DPP10: variants seen among roughly 807,000 people sequenced by gnomAD.
DPP10 encodes dipeptidyl peptidase like 10, also known as inactive dipeptidyl peptidase 10.
DPP10 carries 33 observed loss-of-function variants against 120.9 expected under a neutral mutation model. The ratio of observed to expected loss-of-function variants is 0.27; its 90% CI spans 0.21 to 0.37. The LOEUF (loss-of-function observed/expected upper bound fraction) is 0.37. Ranked by LOEUF, DPP10 falls within the 10% of genes least tolerant of loss-of-function variation. The probability of loss-of-function intolerance (pLI) is 1.00; values close to 1 mark genes in which losing one functional copy is unlikely to be tolerated. For missense variants in DPP10, 816 were observed against 942.8 expected, an observed-to-expected ratio of 0.87 and a Z score of 1.76; for synonymous variants, 337 against 326.1, an observed-to-expected ratio of 1.03 and a Z score of -0.36.
intron 5 of DPP10, among the ~76,000 whole-genome samples, chr2:115,619,349 A>G (rs148125594): frequency 2.6e-5 from 4 of 152,016 alleles, no homozygotes; most frequent in Non-Finnish European, 4.4e-5. Context: ...TGCTGGGATT[A>G]CAGACGTGAG....
chr2:115,543,409 G>T (rs1000923500), intron 5 of DPP10, among the ~76,000 whole-genome samples: 4 of 152,038 alleles, frequency 2.6e-5, no homozygotes, highest in Non-Finnish European at 5.9e-5. Flanking sequence ...AATTGAACTG[G>T]TGCTTGGGGG....
At chr2:115,805,962 A>C (rs1031422045) in intron 19 of DPP10, among the ~76,000 whole-genome samples, 1 of 152,160 alleles carries the variant, frequency 6.6e-6, no homozygotes, top group African/African-American at 2.4e-5. Flanking sequence ...TGCAGGTGAG[A>C]ACCCTTGAGG....
At chr2:115,223,270 T>A (rs1264122549) in intron 1 of DPP10, among the ~76,000 whole-genome samples, 1 of 152,150 alleles carries the variant, frequency 6.6e-6, no homozygotes, top group Non-Finnish European at 1.5e-5. Context: ...ATTTTGTTTT[T>A]GAGGCCACTG....
chr2:114,896,024 G>T (rs1692937664), intron 1 of DPP10, among the ~76,000 whole-genome samples: 1 of 152,148 alleles, frequency 6.6e-6, no homozygotes, highest in South Asian at 2.1e-4. Flanking sequence ...TCTCAGGTTT[G>T]TCAAAGATCA....
chr2:115,566,817 T>C (rs1244069442), intron 5 of DPP10, among the ~76,000 whole-genome samples: 2 of 152,212 alleles, frequency 1.3e-5, no homozygotes, highest in Non-Finnish European at 2.9e-5. Context: ...CCAGTATCTG[T>C]CTCTAGCTCT....
intron 3 of DPP10, among the ~76,000 whole-genome samples, chr2:115,428,559 G>A (rs1465276282): frequency 3.3e-5 from 5 of 152,064 alleles, no homozygotes; most frequent in Admixed American, 3.3e-4. Context: ...AAGAGAGGTA[G>A]GGGAGGTGCC....
Position 114,605,679 on chromosome 2 carries a change from G to A in DPP10, c.60+162841G>A, listed in dbSNP as rs114671924. Reference sequence around the variant, plus strand: ...GCCCCTAACCCCGATATTATTCAAGGGATAACTGTAATCAAGACCTGACAA... The same window carrying A: ...GCCCCTAACCCCGATATTATTCAAGAGATAACTGTAATCAAGACCTGACAA... On this transcript the variant is annotated intron_variant, in intron 1 of 25. Transcript: ENST00000410059. Among the ~76,000 whole-genome samples, 770 of 152,120 alleles carry A rather than the reference G, an allele frequency of 5.1e-3. 8 individuals carry two copies. Among genetic ancestry groups the A allele is most frequent in the African/African-American group, 0.017 (717 of 41,512 alleles).
At chr2:114,811,449 C>T (rs1685162758) in intron 1 of DPP10, among the ~76,000 whole-genome samples, 1 of 152,032 alleles carries the variant, frequency 6.6e-6, no homozygotes, top group Admixed American at 6.6e-5. Flanking sequence ...ACCACATTTA[C>T]CACCACCATC....
chr2:115,120,405 A>G (rs1388169376), intron 1 of DPP10, among the ~76,000 whole-genome samples: 1 of 152,258 alleles, frequency 6.6e-6, no homozygotes, highest in East Asian at 1.9e-4. Context: ...TAGTCAGAAG[A>G]CATTGGGGAA....
chr2:114,671,420 A>G (rs1472008987), intron 1 of DPP10, among the ~76,000 whole-genome samples: 1 of 152,138 alleles, frequency 6.6e-6, no homozygotes, highest in Non-Finnish European at 1.5e-5. Context: ...AGGTGAGGCC[A>G]GTGAGAGGTG....
At chr2:115,721,488 A>G (rs1233755809) in intron 7 of DPP10, among the ~76,000 whole-genome samples, 1 of 152,208 alleles carries the variant, frequency 6.6e-6, no homozygotes, top group Non-Finnish European at 1.5e-5. Context: ...ATTTACATAC[A>G]TAAACTTGTA....
At chr2:114,838,528 T>C (rs907241113) in intron 1 of DPP10, among the ~76,000 whole-genome samples, 1 of 152,126 alleles carries the variant, frequency 6.6e-6, no homozygotes, top group African/African-American at 2.4e-5. Context: ...TTGGTAAAGT[T>C]GGTCTTGAAC....
chr2:114,939,047 G>A (rs1353355713), intron 1 of DPP10, among the ~76,000 whole-genome samples: 3 of 151,916 alleles, frequency 2.0e-5, no homozygotes, highest in Non-Finnish European at 2.9e-5. Context: ...ATACATATGT[G>A]TGTGCTTTTA....
chr2:114,930,346 T>C lies in DPP10; in HGVS notation c.61-378893T>C, dbSNP rs887936695. Among the ~76,000 whole-genome samples, 6 of 152,224 alleles carry C rather than the reference T, an allele frequency of 3.9e-5. No individual in the cohort carries two copies. The East Asian group carries it at 1.2e-3, about 29-fold the overall frequency. On this transcript the variant is annotated intron_variant, in intron 1 of 25. Transcript: ENST00000410059. ...TTTAGGTCATTTCCTCGCTACCAAATCAGGTTGTAAGCAATTGAAAGCAGC... is the reference window on the plus strand; with the variant it reads ...TTTAGGTCATTTCCTCGCTACCAAACCAGGTTGTAAGCAATTGAAAGCAGC...
At chr2:115,596,458 T>C (rs1306527348) in intron 5 of DPP10, among the ~76,000 whole-genome samples, 5 of 152,168 alleles carry the variant, frequency 3.3e-5, no homozygotes, top group African/African-American at 4.8e-5. Context: ...TGAAACATCA[T>C]ATGTGCTTAT....
At chr2:115,444,659 A>T (rs1250432847) in intron 3 of DPP10, among the ~76,000 whole-genome samples, 1 of 152,200 alleles carries the variant, frequency 6.6e-6, no homozygotes, top group Non-Finnish European at 1.5e-5. Context: ...TTTAGACTAT[A>T]GGTGGTCCTG....
At chr2:114,933,287 G>A (rs560018464) in intron 1 of DPP10, among the ~76,000 whole-genome samples, 1 of 152,274 alleles carries the variant, frequency 6.6e-6, no homozygotes, top group South Asian at 2.1e-4. Flanking sequence ...AGGCATTGGT[G>A]CTGCCTGGGT....
intron 1 of DPP10, among the ~76,000 whole-genome samples, chr2:114,834,883 A>ATGTATATAAAAGACATATCTACACAC (rs1687557772): frequency 9.6e-6 from 1 of 103,892 alleles, no homozygotes; most frequent in African/African-American, 5.2e-5. Flanking sequence ...TATCTACACA[A>ATGTATATAAAAGACATATCTACACAC]CTATGTATAT....
intron 1 of DPP10, among the ~76,000 whole-genome samples, chr2:115,086,457 T>C (rs1394335439): frequency 2.8e-5 from 4 of 144,054 alleles, no homozygotes; most frequent in Non-Finnish European, 6.1e-5. Flanking sequence ...TATTTCTTTT[T>C]TTTTTTTTTT....
Sources: gnomAD v4.1 joint callset for allele counts (sites outside exome capture counted in the v4.1 genomes callset) on GRCh38, gnomAD v4.1.1 for gene constraint, MANE v1.5 for transcripts, NCBI Gene and HGNC (gene_info 2026-07-23, HGNC 2026-07-21) for gene names.